Variants in RBFOX1 observed in about 807,000 individuals in gnomAD.
The protein encoded by RBFOX1 is RNA binding fox-1 homolog 1.
RBFOX1 carries 8 observed loss-of-function variants against 57.7 expected under a neutral mutation model. That is an observed-to-expected ratio of 0.14 (90% CI 0.08 to 0.25). RBFOX1 has a LOEUF of 0.25. Among genes scored for constraint, RBFOX1 ranks in the 10% least tolerant of loss-of-function variants. The pLI is 1.00. For synonymous variants in RBFOX1, 326 were observed against 222.4 expected (o/e 1.47, Z -4.15); for missense variants, 611 against 548.5 (o/e 1.11, Z -1.14).
chr16:5,685,889 A>G (rs554043844), intron 3 of RBFOX1, among the ~76,000 whole-genome samples: 2 of 152,316 alleles, frequency 1.3e-5, no homozygotes, highest in East Asian at 3.9e-4. Context: ...GCAGAAAGAG[A>G]TGTTCATTGC....
intron 12 of RBFOX1, among the ~76,000 whole-genome samples, chr16:7,658,947 A>G (rs146583338): frequency 2.0e-5 from 3 of 152,022 alleles, no homozygotes; most frequent in African/African-American, 7.2e-5. Flanking sequence ...CTGCTCTCAA[A>G]CTCCTGACCT....
At chr16:6,689,554 C>G (rs538117218) in intron 3 of RBFOX1, among the ~76,000 whole-genome samples, 6 of 152,178 alleles carry the variant, frequency 3.9e-5, no homozygotes, top group African/African-American at 1.4e-4. Flanking sequence ...ACTTATCTTT[C>G]CTGTAAGGTG....
chr16:6,234,461 G>C (rs2097489918), intron 1 of RBFOX1, among the ~76,000 whole-genome samples: 1 of 152,128 alleles, frequency 6.6e-6, no homozygotes. Flanking sequence ...ACTTAGCATG[G>C]TGATGTCTCA....
intron 1 of RBFOX1, among the ~76,000 whole-genome samples, chr16:6,279,567 C>G (rs1389228328): frequency 3.3e-5 from 5 of 152,156 alleles, no homozygotes; most frequent in African/African-American, 7.2e-5. Context: ...GTAAGTCTCA[C>G]TGAATACAGA....
intron 1 of RBFOX1, among the ~76,000 whole-genome samples, chr16:5,466,027 G>A (rs920514803): frequency 6.6e-6 from 1 of 152,218 alleles, no homozygotes; most frequent in Non-Finnish European, 1.5e-5. Flanking sequence ...AGGAAGAGGA[G>A]GTGCTGGTGG....
chr16:6,842,149 AAAT>A (rs1256028097), intron 3 of RBFOX1, among the ~76,000 whole-genome samples: 118 of 140,698 alleles, frequency 8.4e-4, no homozygotes, highest in African/African-American at 3.1e-3. Context: ...TCAGAAAAAA[AAAT>A]AAAAAATAAA....
At chr16:6,295,151 G>T (rs1245267500) in intron 1 of RBFOX1, among the ~76,000 whole-genome samples, 1 of 132,204 alleles carries the variant, frequency 7.6e-6, no homozygotes, top group African/African-American at 2.9e-5. Flanking sequence ...CTCTGTCGGA[G>T]TCTCTCTCCA....
intron 4 of RBFOX1, among the ~76,000 whole-genome samples, chr16:7,474,842 G>A (rs778590620): frequency 2.0e-5 from 3 of 152,196 alleles, no homozygotes; most frequent in Non-Finnish European, 2.9e-5. Context: ...CATTCTTTGT[G>A]TGTTGGCTGT....
intron 1 of RBFOX1, among the ~76,000 whole-genome samples, chr16:5,440,296 T>G (rs1231126320): frequency 6.6e-6 from 1 of 152,208 alleles, no homozygotes; most frequent in Non-Finnish European, 1.5e-5. Flanking sequence ...TATATTCACA[T>G]CCAAGTTTCT....
chr16:6,209,692 T>A (rs1011281930), intron 1 of RBFOX1, among the ~76,000 whole-genome samples: 4 of 152,210 alleles, frequency 2.6e-5, no homozygotes, highest in Non-Finnish European at 5.9e-5. Context: ...GACTGTCTGA[T>A]CTTCAGAAAG....
Position 6,100,334 on chromosome 16 carries a change from T to C in RBFOX1, c.-127+80342T>C, listed in dbSNP as rs193009244. Among the ~76,000 whole-genome samples, 46 of 152,282 alleles carry C rather than the reference T, an allele frequency of 3.0e-4. No homozygotes were observed. In the East Asian group the frequency reaches 8.9e-3, roughly 30 times the overall value. ...CCCGCCATTACGCCTGGCTAATGTT[T>C]TGTATTTTTAGTAGAGACGGGGTTT... On this transcript the variant is annotated intron_variant, in intron 1 of 15. Coordinates refer to ENST00000550418, the MANE Select transcript of RBFOX1 (RefSeq NM_018723.4).
At chr16:5,263,971 C>A (rs2062798843) in intron 1 of RBFOX1, among the ~76,000 whole-genome samples, 1 of 152,138 alleles carries the variant, frequency 6.6e-6, no homozygotes, top group African/African-American at 2.4e-5. Flanking sequence ...AGCCCTTGGG[C>A]AGTTGCAAGG....
At chr16:7,539,362 A>C (rs1182796389) in intron 5 of RBFOX1, among the ~76,000 whole-genome samples, 4 of 152,108 alleles carry the variant, frequency 2.6e-5, no homozygotes, top group African/African-American at 9.7e-5. Flanking sequence ...AGTATGTGCA[A>C]AGCCAGGTGT....
At chr16:6,244,538 C>G (rs1453093339) in intron 1 of RBFOX1, among the ~76,000 whole-genome samples, 1 of 152,200 alleles carries the variant, frequency 6.6e-6, no homozygotes, top group Admixed American at 6.5e-5. Flanking sequence ...GAGTCTCCCT[C>G]TGTAGCCCAG....
chr16:5,384,075 CTA>C (rs778603598), intron 1 of RBFOX1, among the ~76,000 whole-genome samples: 19 of 152,188 alleles, frequency 1.2e-4, no homozygotes, highest in Non-Finnish European at 2.4e-4. Flanking sequence ...AGAAATGAGT[CTA>C]TGTGTCCAGG....
At chr16:6,843,584 G>C (rs2093606582) in intron 3 of RBFOX1, among the ~76,000 whole-genome samples, 1 of 152,126 alleles carries the variant, frequency 6.6e-6, no homozygotes, top group Non-Finnish European at 1.5e-5. Context: ...AGCTACTCAG[G>C]ACGTTGAGGC....
At chr16:7,025,935 C>G (rs1387271946) in intron 3 of RBFOX1, among the ~76,000 whole-genome samples, 2 of 152,186 alleles carry the variant, frequency 1.3e-5, no homozygotes, top group African/African-American at 4.8e-5. Flanking sequence ...GGAGCTCCCA[C>G]CTGGCCTGGA....
chr16:6,971,308 C>T (rs566752870), intron 3 of RBFOX1, among the ~76,000 whole-genome samples: 3 of 152,212 alleles, frequency 2.0e-5, no homozygotes, highest in South Asian at 4.2e-4. Context: ...AAAGCGAGGA[C>T]ATGTCAGCCA....
chr16:6,755,566 T>G (rs976141935), intron 3 of RBFOX1, among the ~76,000 whole-genome samples: 2 of 152,216 alleles, frequency 1.3e-5, no homozygotes, highest in African/African-American at 2.4e-5. Context: ...GATGTTTCAT[T>G]TATCTCTTAG....
Sources: allele counts gnomAD v4.1 joint callset (sites outside exome capture counted in the v4.1 genomes callset), GRCh38; gene constraint gnomAD v4.1.1; transcripts MANE v1.5; gene names NCBI Gene and HGNC (gene_info 2026-07-23, HGNC 2026-07-21).